SLC1A7: variants seen among roughly 807,000 people sequenced by gnomAD.
SLC1A7 encodes the protein solute carrier family 1 member 7, also known as excitatory amino acid transporter 5.
In SLC1A7, 40 loss-of-function variants were observed where a neutral mutation model predicts 47.7. The observed-to-expected ratio is 0.84, with a 90% CI of 0.65 to 1.09. SLC1A7 has a LOEUF of 1.09. Among genes scored for constraint, SLC1A7 ranks in the 50% least tolerant of loss-of-function variants. The pLI is 0.00. For synonymous variants in SLC1A7, 323 were observed against 325.6 expected (o/e 0.99, Z 0.09); for missense variants, 746 against 769.5 (o/e 0.97, Z 0.36).
Position 53,092,565 on chromosome 1 carries a change from G to A in SLC1A7, c.1020C>T (p.Ala340=). 1.2e-6 allele frequency: 2 copies of A among 1,612,500 alleles called. No individual in the cohort carries two copies. Among genetic ancestry groups the A allele is most frequent in the Non-Finnish European group, 1.7e-6 (2 of 1,178,562 alleles). The change falls in exon 7 of 11, where the codon GCC becomes GCT. Residue 340 remains alanine (A), a synonymous_variant. Coordinates refer to ENST00000371494, the MANE Select transcript of SLC1A7 (RefSeq NM_006671.6). ...GTCCCCGGGGCTACCTGGAGGAGGTGGCCAGCGCGATGAGCAGAGCCTGCA... is the reference window on the plus strand; with the variant it reads ...GTCCCCGGGGCTACCTGGAGGAGGTAGCCAGCGCGATGAGCAGAGCCTGCA... ...GILQALLIAL[A]TSSSSATLPI... is the part of the protein sequence containing the mutation.
intron 2 of SLC1A7, among the ~76,000 whole-genome samples, chr1:53,117,894 A>T (rs886251867): frequency 1.3e-5 from 2 of 152,240 alleles, no homozygotes; most frequent in Admixed American, 1.3e-4. Flanking sequence ...GAGAGCACCC[A>T]TGGACGAAAT....
At chr1:53,125,713 C>G (rs1188884082) in intron 2 of SLC1A7, among the ~76,000 whole-genome samples, 1 of 152,182 alleles carries the variant, frequency 6.6e-6, no homozygotes, top group Non-Finnish European at 1.5e-5. Flanking sequence ...GTGGCCTGAG[C>G]AGCGTTGTGC....
chr1:53,096,928 A>C (rs1328673828), intron 5 of SLC1A7, among the ~76,000 whole-genome samples: 2 of 150,474 alleles, frequency 1.3e-5, no homozygotes, highest in Non-Finnish European at 3.0e-5. Flanking sequence ...CAGTACACTC[A>C]CATACACCAC....
chr1:53,106,787 T>C (rs1557677105), intron 3 of SLC1A7, among the ~76,000 whole-genome samples: 1 of 151,800 alleles, frequency 6.6e-6, no homozygotes, highest in Non-Finnish European at 1.5e-5. Context: ...TGACCAACGG[T>C]TTGGAAAAAA....
Position 53,129,714 on chromosome 1 carries a change from C to A in SLC1A7, c.215+4636G>T, listed in dbSNP as rs540055174. Among the ~76,000 whole-genome samples, 5 of 141,608 alleles carry A rather than the reference C, an allele frequency of 3.5e-5. No homozygotes were observed. The South Asian group carries it at 1.1e-3, about 31-fold the overall frequency. The allele number at this position is 141,608 out of a possible 152,430, so 92.9% of individuals were successfully genotyped here. A position where few individuals can be genotyped will look rare whatever the true frequency, so the allele number is the denominator to read the frequency against. Reference sequence around the variant, plus strand: ...TGACCCCTCCATGGCAGCCCAGGGGCCTTTCAGCCCTCACGTCCACCCTTG... The same window carrying A: ...TGACCCCTCCATGGCAGCCCAGGGGACTTTCAGCCCTCACGTCCACCCTTG... On this transcript the variant is annotated intron_variant, in intron 2 of 10. Coordinates refer to ENST00000371494, the MANE Select transcript of SLC1A7 (RefSeq NM_006671.6).
At position 53,126,628 on chromosome 1, in the gene SLC1A7, T is replaced by C. The variant is rs934161015; in HGVS notation, c.215+7722A>G. 6.6e-5 allele frequency among the ~76,000 whole-genome samples: 10 copies of C among 152,304 alleles called. No individual in the cohort carries two copies. The South Asian group carries it at 2.1e-3, about 32-fold the overall frequency. On this transcript the variant is annotated intron_variant, in intron 2 of 10. Transcript: ENST00000371494. Reference sequence around the variant, plus strand: ...ATCTCTGGGAATGAATAAATCAGTATGTGGCATATTTGATTGCCCCTTGCT... The same window carrying C: ...ATCTCTGGGAATGAATAAATCAGTACGTGGCATATTTGATTGCCCCTTGCT...
Position 53,093,515 on chromosome 1 carries a change from C to T in SLC1A7, c.743G>A (p.Ser248Asn). Residue 248 changes from serine to asparagine, a missense_variant, in exon 6 of 11, where the codon AGC becomes AAC. By Grantham distance (46) the Ser-to-Asn change is conservative. Coordinates refer to ENST00000371494, the MANE Select transcript of SLC1A7 (RefSeq NM_006671.6). ...CGACTCATTGAGGCACTGGCAGAAG[C>T]TGACCAGGGGGGCCCCGCTGTCACC... Reference protein sequence around the residue: ...RMGDSGAPLVSFCQCLNESVM... With the variant: ...RMGDSGAPLVNFCQCLNESVM... The T allele has an allele frequency of 1.4e-5, 22 of 1,610,460 alleles. No homozygotes were observed. The highest frequency in any genetic ancestry group is 1.8e-5 in the Non-Finnish European group (21 of 1,179,794).
rs1033651542 is a variant in SLC1A7 at position 53,089,432 on chromosome 1, T to A, written c.1361+368A>T. Among the ~76,000 whole-genome samples, 26 of 152,258 alleles carry A rather than the reference T, an allele frequency of 1.7e-4. No homozygotes were observed. The East Asian group carries it at 4.8e-3, about 28-fold the overall frequency. On this transcript the variant is annotated intron_variant, in intron 9 of 10. Coordinates refer to ENST00000371494, the MANE Select transcript of SLC1A7 (RefSeq NM_006671.6). Reference sequence around the variant, plus strand: ...GGCACATGTCACCAGTCCCAGCTAATTTTTTCTTTTCTAATTTTTAGTAGA... The same window carrying A: ...GGCACATGTCACCAGTCCCAGCTAAATTTTTCTTTTCTAATTTTTAGTAGA...
chr1:53,104,749 C>T (rs1016380912), intron 4 of SLC1A7, among the ~76,000 whole-genome samples: 1 of 152,216 alleles, frequency 6.6e-6, no homozygotes, highest in Non-Finnish European at 1.5e-5. Context: ...TTTGTGTCCC[C>T]AGGCTCAACA....
At chr1:53,135,963 T>C (rs762748181) in intron 1 of SLC1A7, among the ~76,000 whole-genome samples, 2 of 151,892 alleles carry the variant, frequency 1.3e-5, no homozygotes, top group Non-Finnish European at 2.9e-5. Context: ...ATGTTGGTGC[T>C]ATGAGGGGAC....
chr1:53,087,893 G>C lies in SLC1A7; in HGVS notation c.*116C>G. ...CGGGGTTAATTCCAGCCTCTCAAGG[G>C]TGAGAAGAATGTGTGATCCTGGCCC... On this transcript the variant is annotated 3_prime_UTR_variant, in exon 11 of 11. Transcript: ENST00000371494. 3.8e-6 allele frequency: 2 copies of C among 519,654 alleles called. No homozygotes were observed. The highest frequency in any genetic ancestry group is 6.7e-5 in the East Asian group (2 of 30,038). The allele number at this position is 519,654 out of a possible 1,614,324, so 32.2% of individuals were successfully genotyped here.
intron 2 of SLC1A7, among the ~76,000 whole-genome samples, chr1:53,121,920 T>C (rs1299442892): frequency 6.6e-6 from 1 of 151,824 alleles, no homozygotes; most frequent in Non-Finnish European, 1.5e-5. Context: ...CTTTGACTCA[T>C]TGAGAAAGGG....
At chr1:53,113,372 C>T (rs1644720277) in intron 3 of SLC1A7, among the ~76,000 whole-genome samples, 1 of 152,074 alleles carries the variant, frequency 6.6e-6, no homozygotes, top group African/African-American at 2.4e-5. Flanking sequence ...GCTTAGACTC[C>T]CCCATGAGAT....
chr1:53,132,733 C>G (rs1260242072), intron 2 of SLC1A7, among the ~76,000 whole-genome samples: 2 of 108,698 alleles, frequency 1.8e-5, no homozygotes, highest in African/African-American at 2.7e-5. Context: ...GTGGTCCCAG[C>G]TACTTGGGGG....
intron 3 of SLC1A7, among the ~76,000 whole-genome samples, chr1:53,112,632 A>G (rs1471302280): frequency 6.6e-6 from 1 of 152,178 alleles, no homozygotes; most frequent in African/African-American, 2.4e-5. Flanking sequence ...GTCTCTTAGA[A>G]TTTGAGGAAT....
intron 1 of SLC1A7, among the ~76,000 whole-genome samples, chr1:53,139,756 T>C (rs1001747739): frequency 6.6e-6 from 1 of 152,190 alleles, no homozygotes; most frequent in African/African-American, 2.4e-5. Flanking sequence ...GTAGCCTCTC[T>C]ATTTCTTTTT....
chr1:53,101,859 C>T (rs1644587304), intron 5 of SLC1A7, among the ~76,000 whole-genome samples: 1 of 150,554 alleles, frequency 6.6e-6, no homozygotes, highest in African/African-American at 2.5e-5. Flanking sequence ...CACACGCCCG[C>T]CTCGGTACAC....
chr1:53,116,692 C>T (rs1293681658), intron 2 of SLC1A7, among the ~76,000 whole-genome samples: 1 of 152,182 alleles, frequency 6.6e-6, no homozygotes, highest in East Asian at 1.9e-4. Context: ...ACAGAACCCC[C>T]CGCAGTGGGG....
At chr1:53,126,291 C>A (rs1265592777) in intron 2 of SLC1A7, among the ~76,000 whole-genome samples, 2 of 152,242 alleles carry the variant, frequency 1.3e-5, no homozygotes, top group Non-Finnish European at 2.9e-5. Flanking sequence ...TGGCCCTCAC[C>A]TGGGGAAGAG....
Sources: gnomAD v4.1 joint callset for allele counts (sites outside exome capture counted in the v4.1 genomes callset) on GRCh38, gnomAD v4.1.1 for gene constraint, MANE v1.5 for transcripts, NCBI Gene and HGNC (gene_info 2026-07-23, HGNC 2026-07-21) for gene names.